The following ANKRD13A variants were observed in gnomAD, a reference collection of about 807,000 sequenced individuals.
ANKRD13A encodes the protein ankyrin repeat domain-containing protein 13A.
In ANKRD13A, 48 loss-of-function variants were observed where a neutral mutation model predicts 81.3. The ratio of observed to expected loss-of-function variants is 0.59; its 90% CI spans 0.47 to 0.75. ANKRD13A has a LOEUF of 0.75. ANKRD13A is among the 30% of genes least tolerant of loss of function. The probability of loss-of-function intolerance (pLI) is 0.00; values close to 1 mark genes in which losing one functional copy is unlikely to be tolerated. For synonymous variants in ANKRD13A, 230 were observed against 270.1 expected (o/e 0.85, Z 1.45); for missense variants, 612 against 734.0 (o/e 0.83, Z 1.92).
At position 110,016,452 on chromosome 12, in the gene ANKRD13A, G is replaced by A. The variant is rs750307343; in HGVS notation, c.400+19G>A. The A allele has an allele frequency of 2.4e-5, 37 of 1,571,032 alleles. No homozygotes were observed. Among genetic ancestry groups the A allele is most frequent in the Middle Eastern group, 3.4e-4 (2 of 5,862 alleles). On this transcript the variant is annotated intron_variant, in intron 4 of 14. Coordinates refer to ENST00000261739, the MANE Select transcript of ANKRD13A (RefSeq NM_033121.2). ...AGCTGGGGTGAGTGGCTGTGGGCTCGTTATTTATTTCTCTTTCTAAATTTA... is the reference window on the plus strand; with the variant it reads ...AGCTGGGGTGAGTGGCTGTGGGCTCATTATTTATTTCTCTTTCTAAATTTA...
chr12:110,026,393 G>T (rs1378257686), intron 8 of ANKRD13A, among the ~76,000 whole-genome samples: 1 of 151,190 alleles, frequency 6.6e-6, no homozygotes. Flanking sequence ...GACCAACATG[G>T]AGAAACCCCA....
intron 8 of ANKRD13A, chr12:110,026,939 C>A (rs1429940819): frequency 6.6e-6 from 1 of 152,044 alleles, no homozygotes; most frequent in East Asian, 1.9e-4. Context: ...GGAGGTGTTT[C>A]CCCATAGTTG....
chr12:110,013,378 C>A, intron 3 of ANKRD13A, 129 bp downstream of exon 3: 1 of 1,136,810 alleles, frequency 8.8e-7, no homozygotes, highest in Non-Finnish European at 1.2e-6. Flanking sequence ...ATACTCAATA[C>A]CAATCACATT....
intron 2 of ANKRD13A, among the ~76,000 whole-genome samples, chr12:110,012,421 A>C (rs1890576606): frequency 6.6e-6 from 1 of 152,164 alleles, no homozygotes; most frequent in African/African-American, 2.4e-5. Context: ...AGTCTCAATC[A>C]TACTTTTCCT....
At position 110,013,108 on chromosome 12, in the gene ANKRD13A, A is replaced by G; in HGVS notation, c.230-17A>G. On this transcript the variant is annotated splice_polypyrimidine_tract_variant and intron_variant, in intron 2 of 14. Transcript: ENST00000261739. Reference sequence around the variant, plus strand: ...TCAGAAAGTATGAGAATTAAATTTCACCCTTTTGTTTTCTAGTTTTACATG... The same window carrying G: ...TCAGAAAGTATGAGAATTAAATTTCGCCCTTTTGTTTTCTAGTTTTACATG... 1 of 1,612,290 alleles carries G rather than the reference A, an allele frequency of 6.2e-7. No homozygotes were observed. The highest frequency in any genetic ancestry group is 1.3e-5 in the African/African-American group (1 of 74,916).
In ANKRD13A at chr12:110,035,090, A is replaced by G. The variant is rs1481990446; in HGVS notation, c.1509+1133A>G. ...AGACCCATTCAGTTTTCCGAGCCAG[A>G]CCCCAAAGCAAGCATGTTCCCTTTG... On this transcript the variant is annotated intron_variant, in intron 13 of 14. Coordinates refer to ENST00000261739, the MANE Select transcript of ANKRD13A (RefSeq NM_033121.2). Among the ~76,000 whole-genome samples, 5 of 152,184 alleles carry G rather than the reference A, an allele frequency of 3.3e-5. No homozygotes were observed. In the South Asian group the frequency reaches 6.2e-4, roughly 19 times the overall value.
chr12:110,009,909 G>C (rs1890427854), intron 1 of ANKRD13A, among the ~76,000 whole-genome samples: 1 of 152,218 alleles, frequency 6.6e-6, no homozygotes, highest in South Asian at 2.1e-4. Flanking sequence ...CTGTCACCCA[G>C]GCTGGAATGC....
At chr12:110,025,185 G>A (rs1028120993) in intron 7 of ANKRD13A, among the ~76,000 whole-genome samples, 6 of 152,128 alleles carry the variant, frequency 3.9e-5, no homozygotes, top group African/African-American at 9.6e-5. Context: ...GTGAAACCCC[G>A]TCTCTACTAA....
At chr12:110,017,864 G>A (rs1262183394) in intron 4 of ANKRD13A, among the ~76,000 whole-genome samples, 4 of 151,948 alleles carry the variant, frequency 2.6e-5, no homozygotes, top group Non-Finnish European at 4.4e-5. Context: ...CCTGGGAGGC[G>A]GAGGTTGCAG....
At position 110,014,329 on chromosome 12, in the gene ANKRD13A, G is replaced by A. The variant is rs140545018; in HGVS notation, c.354+1080G>A. Among the ~76,000 whole-genome samples the A allele has an allele frequency of 3.1e-3, 474 of 152,218 alleles. 2 individuals are homozygous for A. Among genetic ancestry groups the A allele is most frequent in the African/African-American group, 0.011 (468 of 41,532 alleles). ...CAGGAGGCTGAGGCAGGAGAATGCT[G>A]TGAACCTGGGAGGCGGAGCTTGCAG... On this transcript the variant is annotated intron_variant, in intron 3 of 14. Transcript: ENST00000261739.
chr12:110,034,160 A>G (rs1891879965), intron 13 of ANKRD13A, among the ~76,000 whole-genome samples: 1 of 152,196 alleles, frequency 6.6e-6, no homozygotes, highest in Admixed American at 6.5e-5. Context: ...CCCAGTCAGC[A>G]CCATTCACAA....
At chr12:110,025,915 T>A in intron 8 of ANKRD13A, 92 bp downstream of exon 8, 1 of 1,111,842 alleles carries the variant, frequency 9.0e-7, no homozygotes, top group Non-Finnish European at 1.3e-6. Context: ...TTAGGGTTAA[T>A]GTGATTGGGT....
At chr12:110,037,053 T>C (rs1471834604) in intron 14 of ANKRD13A, among the ~76,000 whole-genome samples, 1 of 152,258 alleles carries the variant, frequency 6.6e-6, no homozygotes, top group Non-Finnish European at 1.5e-5. Flanking sequence ...GGATTCATTT[T>C]ACGAAGACTT....
intron 13 of ANKRD13A, 146 bp downstream of exon 13, chr12:110,034,103 C>T: frequency 1.2e-6 from 1 of 842,324 alleles, no homozygotes; most frequent in South Asian, 3.3e-5. Flanking sequence ...CTTTGTGCAT[C>T]TGGTCTTCTT....
chr12:110,006,572 G>A (rs1890251863), intron 1 of ANKRD13A, among the ~76,000 whole-genome samples: 1 of 151,854 alleles, frequency 6.6e-6, no homozygotes. Flanking sequence ...TATGTGATTT[G>A]CAAATATTTT....
chr12:110,004,838 G>A (rs1890159436), intron 1 of ANKRD13A, among the ~76,000 whole-genome samples: 1 of 152,178 alleles, frequency 6.6e-6, no homozygotes, highest in Non-Finnish European at 1.5e-5. Context: ...GTGGTGTCAA[G>A]CACCGTGCTA....
chr12:110,009,083 T>C (rs946142531), intron 1 of ANKRD13A, among the ~76,000 whole-genome samples: 1 of 152,190 alleles, frequency 6.6e-6, no homozygotes, highest in East Asian at 1.9e-4. Flanking sequence ...TCTTCTTTTA[T>C]TTTATTTTAT....
At chr12:110,012,275 G>A in intron 2 of ANKRD13A, 138 bp downstream of exon 2, 1 of 1,000,292 alleles carries the variant, frequency 1.0e-6, no homozygotes, top group Non-Finnish European at 1.4e-6. Context: ...TGAGGGGGTA[G>A]GATCACCTGA....
Position 110,035,685 on chromosome 12 carries a change from A to G in ANKRD13A, c.1510-576A>G, listed in dbSNP as rs536792580. 1.1e-4 allele frequency among the ~76,000 whole-genome samples: 17 copies of G among 152,154 alleles called. No homozygotes were observed. In the Middle Eastern group the frequency reaches 0.017, roughly 152 times the overall value. Reference sequence around the variant, plus strand: ...GGCTGATCCCAAACTCCAGACCTCAAGTGATCCACCAGCCTTGCCCTCCCA... The same window carrying G: ...GGCTGATCCCAAACTCCAGACCTCAGGTGATCCACCAGCCTTGCCCTCCCA... On this transcript the variant is annotated intron_variant, in intron 13 of 14. Transcript: ENST00000261739.
Sources: allele counts gnomAD v4.1 joint callset (sites outside exome capture counted in the v4.1 genomes callset), GRCh38; gene constraint gnomAD v4.1.1; transcripts MANE v1.5; gene names NCBI Gene and HGNC (gene_info 2026-07-23, HGNC 2026-07-21).